ATXN1: variants seen among roughly 807,000 people sequenced by gnomAD.
ATXN1 encodes the protein ataxin 1.
ATXN1 carries 8 observed loss-of-function variants against 56.4 expected under a neutral mutation model. The ratio of observed to expected loss-of-function variants is 0.14; its 90% CI spans 0.08 to 0.26. ATXN1 has a LOEUF of 0.26. ATXN1 is among the 10% of genes least tolerant of loss of function. The pLI is 1.00. For missense variants in ATXN1, 987 were observed against 1,106.5 expected (o/e 0.89, Z 1.53); for synonymous variants, 514 against 494.6 (o/e 1.04, Z -0.52).
intron 2 of ATXN1, among the ~76,000 whole-genome samples, chr6:16,744,170 A>G (rs1444092920): frequency 1.3e-5 from 2 of 152,112 alleles, no homozygotes; most frequent in African/African-American, 4.8e-5. Context: ...TAAAACTCAC[A>G]CTTTGAGACC....
chr6:16,365,755 C>T (rs139096712), intron 6 of ATXN1, among the ~76,000 whole-genome samples: 1 of 152,198 alleles, frequency 6.6e-6, no homozygotes, highest in African/African-American at 2.4e-5. Flanking sequence ...TCTGCCTGGA[C>T]CCAAACAACC....
chr6:16,427,988 C>T (rs1358760117), intron 6 of ATXN1, among the ~76,000 whole-genome samples: 1 of 152,102 alleles, frequency 6.6e-6, no homozygotes, highest in African/African-American at 2.4e-5. Flanking sequence ...TTCAAAGGAA[C>T]AGATTTTATG....
intron 4 of ATXN1, among the ~76,000 whole-genome samples, chr6:16,573,497 T>C (rs188653312): frequency 5.3e-5 from 8 of 152,238 alleles, no homozygotes; most frequent in African/African-American, 1.7e-4. Context: ...CTGTCCCCTG[T>C]TTCTCCCAAC....
chr6:16,455,174 T>G (rs1759839695), intron 6 of ATXN1, among the ~76,000 whole-genome samples: 1 of 152,194 alleles, frequency 6.6e-6, no homozygotes, highest in South Asian at 2.1e-4. Context: ...AAGACTCATC[T>G]TGATGTAAAA....
chr6:16,387,769 C>A (rs113357231), intron 6 of ATXN1, among the ~76,000 whole-genome samples: 1 of 152,100 alleles, frequency 6.6e-6, no homozygotes, highest in Non-Finnish European at 1.5e-5. Flanking sequence ...CATAAAATAT[C>A]GAATCAGGCT....
At chr6:16,511,117 T>TC (rs397841583) in intron 5 of ATXN1, among the ~76,000 whole-genome samples, 1 of 152,092 alleles carries the variant, frequency 6.6e-6, no homozygotes, top group East Asian at 1.9e-4. Context: ...ATTTTTTTTT[T>TC]CCCACGTGGT....
At chr6:16,592,326 A>G (rs2282829) in intron 3 of ATXN1, among the ~76,000 whole-genome samples, 15,379 of 152,048 alleles carry the variant, frequency 0.1, 2,395 homozygotes, top group African/African-American at 0.34. Context: ...TCACATATCC[A>G]CCTTTGATTT....
chr6:16,750,337 T>C (rs1342345118), intron 2 of ATXN1, among the ~76,000 whole-genome samples: 1 of 152,200 alleles, frequency 6.6e-6, no homozygotes, highest in Non-Finnish European at 1.5e-5. Flanking sequence ...TTTACATAAA[T>C]AGTGACTGTG....
intron 5 of ATXN1, among the ~76,000 whole-genome samples, chr6:16,515,302 C>T (rs1303659769): frequency 6.6e-6 from 1 of 152,094 alleles, no homozygotes; most frequent in Non-Finnish European, 1.5e-5. Context: ...CTCACTAAAA[C>T]ATGGTTCTTC....
At chr6:16,505,710 T>A (rs1760971553) in intron 5 of ATXN1, among the ~76,000 whole-genome samples, 1 of 152,158 alleles carries the variant, frequency 6.6e-6, no homozygotes, top group East Asian at 1.9e-4. Context: ...TGTACACGGT[T>A]ATGAGGCTCC....
At chr6:16,623,786 T>A (rs1763360140) in intron 3 of ATXN1, among the ~76,000 whole-genome samples, 1 of 152,266 alleles carries the variant, frequency 6.6e-6, no homozygotes, top group South Asian at 2.1e-4. Flanking sequence ...TTGGTTTTAC[T>A]GTCTCTTCAA....
At chr6:16,443,872 T>C (rs1449500822) in intron 6 of ATXN1, among the ~76,000 whole-genome samples, 2 of 152,132 alleles carry the variant, frequency 1.3e-5, no homozygotes, top group Non-Finnish European at 2.9e-5. Flanking sequence ...ATCCCAGCAC[T>C]TTGGGAGGCC....
At chr6:16,693,747 A>G (rs1040201058) in intron 2 of ATXN1, among the ~76,000 whole-genome samples, 1 of 152,216 alleles carries the variant, frequency 6.6e-6, no homozygotes, top group Non-Finnish European at 1.5e-5. Flanking sequence ...AGCCTAGTTT[A>G]TTATGAAGTG....
chr6:16,620,504 C>G (rs550134150), intron 3 of ATXN1, among the ~76,000 whole-genome samples: 7 of 151,808 alleles, frequency 4.6e-5, no homozygotes, highest in South Asian at 2.1e-4. Context: ...CACACACAGA[C>G]AGAGAGAGAG....
intron 6 of ATXN1, among the ~76,000 whole-genome samples, chr6:16,374,138 CAAA>C (rs376857810): frequency 7.0e-5 from 6 of 85,430 alleles, no homozygotes; most frequent in Non-Finnish European, 5.1e-5. Flanking sequence ...AGGATATGAG[CAAA>C]AAAAAAAAAA....
intron 2 of ATXN1, among the ~76,000 whole-genome samples, chr6:16,717,679 C>A (rs1048125021): frequency 1.3e-5 from 2 of 152,276 alleles, no homozygotes; most frequent in South Asian, 4.1e-4. Flanking sequence ...ATAACGATCT[C>A]GTGGGTCTGA....
intron 6 of ATXN1, among the ~76,000 whole-genome samples, chr6:16,396,182 A>G (rs535235243): frequency 6.6e-6 from 1 of 152,150 alleles, no homozygotes; most frequent in African/African-American, 2.4e-5. Flanking sequence ...GGTAGAAGAC[A>G]GTGATACTGA....
At chr6:16,550,424 G>C (rs750367962) in intron 4 of ATXN1, among the ~76,000 whole-genome samples, 86 of 152,158 alleles carry the variant, frequency 5.7e-4, no homozygotes, top group Admixed American at 2.1e-3. Context: ...CAATCTGAGA[G>C]GGTATCCTAG....
At chr6:16,501,531 G>A (rs555065139) in intron 5 of ATXN1, among the ~76,000 whole-genome samples, 1 of 152,170 alleles carries the variant, frequency 6.6e-6, no homozygotes, top group East Asian at 1.9e-4. Context: ...GTGTCCATGT[G>A]TTCTCATTAT....
Sources: gnomAD v4.1 joint callset for allele counts (sites outside exome capture counted in the v4.1 genomes callset) on GRCh38, gnomAD v4.1.1 for gene constraint, MANE v1.5 for transcripts, NCBI Gene and HGNC (gene_info 2026-07-23, HGNC 2026-07-21) for gene names.